Variants in ADAMTS9 observed in about 807,000 individuals in gnomAD.
ADAMTS9 encodes A disintegrin and metalloproteinase with thrombospondin motifs 9.
ADAMTS9 carries 107 observed loss-of-function variants against 257.1 expected under a neutral mutation model. That is an observed-to-expected ratio of 0.42 (90% CI 0.36 to 0.49). The LOEUF is 0.49. Among genes scored for constraint, ADAMTS9 ranks in the 20% least tolerant of loss-of-function variants. ADAMTS9 has a pLI of 0.03. For synonymous variants in ADAMTS9, 982 were observed against 880.9 expected, an observed-to-expected ratio of 1.11 and a Z score of -2.03; for missense variants, 2,353 against 2,469.1, an observed-to-expected ratio of 0.95 and a Z score of 1.00.
intron 4 of ADAMTS9, among the ~76,000 whole-genome samples, chr3:64,656,719 G>C (rs896808453): frequency 1.3e-5 from 2 of 152,130 alleles, no homozygotes; most frequent in Admixed American, 6.5e-5. Flanking sequence ...ATGGGCATGA[G>C]AGGGCTGGAG....
At chr3:64,567,048 A>G (rs1450179638) in intron 29 of ADAMTS9, among the ~76,000 whole-genome samples, 1 of 152,166 alleles carries the variant, frequency 6.6e-6, no homozygotes, top group Non-Finnish European at 1.5e-5. Context: ...CCCATGTTTC[A>G]TTATGATAAA....
At chr3:64,628,010 G>A (rs949929215) in intron 16 of ADAMTS9, among the ~76,000 whole-genome samples, 5 of 152,100 alleles carry the variant, frequency 3.3e-5, no homozygotes, top group Admixed American at 6.5e-5. Context: ...AGTAACCACC[G>A]TGAGGTTCAA....
chr3:64,687,750 C>G lies in ADAMTS9; in HGVS notation c.-93G>C. The G allele has an allele frequency of 9.8e-7, 1 of 1,022,586 alleles. No individual in the cohort carries two copies. Among genetic ancestry groups the G allele is most frequent in the Non-Finnish European group, 1.3e-6 (1 of 744,870 alleles). 63.3% of individuals were successfully genotyped at this position (1,022,586 alleles called of 1,614,324 possible). A position where few individuals can be genotyped will look rare whatever the true frequency, so the allele number is the denominator to read the frequency against. On this transcript the variant is annotated 5_prime_UTR_variant, in exon 1 of 40. Coordinates refer to ENST00000498707, the MANE Select transcript of ADAMTS9 (RefSeq NM_182920.2). This position sits in a 1 kb window ranked among gnomAD's most constrained non-coding sequence, Gnocchi z 4.4. ...GACGCGAGGCAGCGGCCGTGGAGAG[C>G]GCGCGGAGCCCGGCGCCCGCCGCCA... is the stretch of plus-strand genomic sequence containing the variant.
At chr3:64,552,580 T>G (rs1239762460) in intron 30 of ADAMTS9, among the ~76,000 whole-genome samples, 1 of 151,762 alleles carries the variant, frequency 6.6e-6, no homozygotes, top group Non-Finnish European at 1.5e-5. Flanking sequence ...CTTTCCTTTT[T>G]TTTTTTTTTT....
chr3:64,569,683 A>G (rs906416508), intron 28 of ADAMTS9, among the ~76,000 whole-genome samples: 4 of 152,248 alleles, frequency 2.6e-5, no homozygotes, highest in African/African-American at 7.2e-5. Flanking sequence ...TCTAGTAAAC[A>G]CAAACCACTA....
chr3:64,620,681 T>C (rs1284033554), intron 19 of ADAMTS9, among the ~76,000 whole-genome samples: 2 of 152,186 alleles, frequency 1.3e-5, no homozygotes, highest in African/African-American at 4.8e-5. Flanking sequence ...CTTAGTGTAC[T>C]GCAACTTTCA....
chr3:64,531,952 G>A (rs888754989), intron 38 of ADAMTS9, among the ~76,000 whole-genome samples: 1 of 152,198 alleles, frequency 6.6e-6, no homozygotes, highest in Non-Finnish European at 1.5e-5. Context: ...AGGGAAGGCT[G>A]TAAGTGGCAG....
intron 2 of ADAMTS9, among the ~76,000 whole-genome samples, chr3:64,684,535 T>C (rs1576193732): frequency 6.6e-6 from 1 of 152,062 alleles, no homozygotes; most frequent in South Asian, 2.1e-4. Context: ...GGAGATAACT[T>C]CCAGAAGGAA....
At chr3:64,683,500 C>T (rs1217373001) in intron 2 of ADAMTS9, among the ~76,000 whole-genome samples, 1 of 152,172 alleles carries the variant, frequency 6.6e-6, no homozygotes, top group Non-Finnish European at 1.5e-5. Flanking sequence ...GAGCAAGTCT[C>T]CAGCTCTCAA....
intron 30 of ADAMTS9, among the ~76,000 whole-genome samples, chr3:64,558,800 G>A (rs566873734): frequency 1.1e-4 from 17 of 152,244 alleles, no homozygotes; most frequent in Admixed American, 8.5e-4. Context: ...GCCAGGGACC[G>A]CTAAGAAAGA....
intron 38 of ADAMTS9, among the ~76,000 whole-genome samples, chr3:64,531,608 A>G (rs1427579789): frequency 4.6e-5 from 7 of 152,120 alleles, no homozygotes; most frequent in African/African-American, 1.7e-4. Context: ...CTGGGACTAC[A>G]GGCATGCACC....
chr3:64,617,256 C>T (rs1001459197), intron 19 of ADAMTS9, among the ~76,000 whole-genome samples: 1 of 152,146 alleles, frequency 6.6e-6, no homozygotes, highest in African/African-American at 2.4e-5. Flanking sequence ...TTCTTGGCTA[C>T]CTTCTCTTTG....
At chr3:64,554,404 C>G (rs1290046707) in intron 30 of ADAMTS9, among the ~76,000 whole-genome samples, 1 of 152,188 alleles carries the variant, frequency 6.6e-6, no homozygotes, top group Non-Finnish European at 1.5e-5. Flanking sequence ...AGGGTTTTCT[C>G]CTGGAATCTT....
intron 30 of ADAMTS9, among the ~76,000 whole-genome samples, chr3:64,557,103 T>C (rs1004840760): frequency 2.6e-5 from 4 of 152,074 alleles, no homozygotes; most frequent in African/African-American, 9.7e-5. Flanking sequence ...GGTGGTGTGA[T>C]TGGCAAAGGC....
At chr3:64,555,435 G>A (rs1029076175) in intron 30 of ADAMTS9, among the ~76,000 whole-genome samples, 4 of 152,076 alleles carry the variant, frequency 2.6e-5, no homozygotes, top group Non-Finnish European at 2.9e-5. Flanking sequence ...CTGGGGCCCC[G>A]GGAGGCAGCC....
intron 19 of ADAMTS9, among the ~76,000 whole-genome samples, chr3:64,616,852 C>A (rs1049874814): frequency 2.0e-5 from 3 of 152,196 alleles, no homozygotes; most frequent in Non-Finnish European, 2.9e-5. Flanking sequence ...GGATTTCACT[C>A]TTGACTGTTC....
chr3:64,561,444 T>C (rs751863594), intron 30 of ADAMTS9, 134 bp downstream of exon 30: 2 of 1,001,986 alleles, frequency 2.0e-6, no homozygotes, highest in Non-Finnish European at 2.8e-6. Flanking sequence ...AGTCTGACAG[T>C]GAACCTTTTG....
intron 29 of ADAMTS9, among the ~76,000 whole-genome samples, chr3:64,564,958 C>T (rs990923391): frequency 6.6e-6 from 1 of 152,118 alleles, no homozygotes; most frequent in Non-Finnish European, 1.5e-5. Context: ...ATAGCTACTG[C>T]GAATGTGCGT....
At chr3:64,641,246 CTT>C (rs61090961) in intron 12 of ADAMTS9, among the ~76,000 whole-genome samples, 67,423 of 144,228 alleles carry the variant, frequency 0.47, 15,407 homozygotes, top group Middle Eastern at 0.55. Flanking sequence ...AGTGTGCTAT[CTT>C]TTTTTTTTTT....
Sources: allele counts gnomAD v4.1 joint callset (sites outside exome capture counted in the v4.1 genomes callset), GRCh38; gene constraint gnomAD v4.1.1; non-coding constraint Gnocchi (gnomAD v3.1); transcripts MANE v1.5; gene names NCBI Gene and HGNC (gene_info 2026-07-23, HGNC 2026-07-21).